CA10: variants seen among roughly 807,000 people sequenced by gnomAD.
CA10 encodes the protein carbonic anhydrase-related protein 10.
Under a neutral mutation model 44.2 loss-of-function variants are expected in CA10, and 14 were observed. The observed-to-expected ratio is 0.32, with a 90% CI of 0.21 to 0.50. The LOEUF is 0.50. Among genes scored for constraint, CA10 ranks in the 20% least tolerant of loss-of-function variants. The probability of loss-of-function intolerance (pLI) is 0.99; values close to 1 mark genes in which losing one functional copy is unlikely to be tolerated. For synonymous variants in CA10, 159 were observed against 141.6 expected (o/e 1.12, Z -0.87); for missense variants, 350 against 409.7 (o/e 0.85, Z 1.26).
chr17:52,093,841 A>T (rs747342452), intron 1 of CA10, among the ~76,000 whole-genome samples: 4 of 152,152 alleles, frequency 2.6e-5, no homozygotes, highest in Non-Finnish European at 5.9e-5. Flanking sequence ...CCAGAAATTT[A>T]TTAGGTAGTT....
rs536585925 is a variant in CA10, at chr17:51,806,094, G to A, written c.280-58276C>T. Among the ~76,000 whole-genome samples, 7 of 152,322 alleles carry A rather than the reference G, an allele frequency of 4.6e-5. No homozygotes were observed. In the South Asian group the frequency reaches 1.0e-3, roughly 23 times the overall value. On this transcript the variant is annotated intron_variant, in intron 3 of 8. Transcript: ENST00000451037. Reference sequence around the variant, plus strand: ...CAAGAGTCAGGGTCCAGAACCTTCAGAGCTTTGTGGTATGGTGAGGAGCTT... The same window carrying A: ...CAAGAGTCAGGGTCCAGAACCTTCAAAGCTTTGTGGTATGGTGAGGAGCTT...
At chr17:51,976,487 A>G (rs1313525249) in intron 2 of CA10, among the ~76,000 whole-genome samples, 3 of 152,166 alleles carry the variant, frequency 2.0e-5, no homozygotes. Context: ...TAAACAACAC[A>G]GTTCTAAAAT....
chr17:51,786,305 A>G (rs1906280777), intron 3 of CA10, among the ~76,000 whole-genome samples: 1 of 151,906 alleles, frequency 6.6e-6, no homozygotes, highest in Non-Finnish European at 1.5e-5. Context: ...TAATCCCAGC[A>G]CTTTGGGAGG....
intron 4 of CA10, among the ~76,000 whole-genome samples, chr17:51,680,905 G>T (rs1393341649): frequency 6.7e-6 from 1 of 149,388 alleles, no homozygotes; most frequent in Non-Finnish European, 1.5e-5. Flanking sequence ...GAGACCAAAA[G>T]ACTTCCATTT....
At chr17:52,014,132 C>T (rs1356893137) in intron 2 of CA10, among the ~76,000 whole-genome samples, 2 of 150,802 alleles carry the variant, frequency 1.3e-5, no homozygotes, top group Non-Finnish European at 3.0e-5. Flanking sequence ...TAAAAATAAC[C>T]TTATAATGAA....
intron 2 of CA10, among the ~76,000 whole-genome samples, chr17:52,011,406 A>T (rs1214351597): frequency 2.0e-5 from 3 of 152,014 alleles, no homozygotes; most frequent in Admixed American, 2.0e-4. Context: ...AGGGCAATTT[A>T]AAAAATTACA....
At chr17:51,955,324 C>T (rs1211539526) in intron 2 of CA10, among the ~76,000 whole-genome samples, 1 of 152,082 alleles carries the variant, frequency 6.6e-6, no homozygotes, top group Admixed American at 6.6e-5. Context: ...TGGACTTTGT[C>T]ACCACCCATA....
intron 3 of CA10, among the ~76,000 whole-genome samples, chr17:51,920,134 G>A (rs1481824580): frequency 6.6e-6 from 1 of 152,110 alleles, no homozygotes; most frequent in Admixed American, 6.5e-5. Context: ...ATTATACTCA[G>A]TTCTGGGATA....
intron 4 of CA10, among the ~76,000 whole-genome samples, chr17:51,694,610 TTACTC>T (rs1915338863): frequency 1.3e-5 from 2 of 152,152 alleles, no homozygotes; most frequent in Admixed American, 6.5e-5. Flanking sequence ...GGTGGTCTGT[TTACTC>T]TGTTGATAGC....
intron 1 of CA10, among the ~76,000 whole-genome samples, chr17:52,128,028 CA>C (rs1416235411): frequency 6.6e-6 from 1 of 152,182 alleles, no homozygotes; most frequent in African/African-American, 2.4e-5. Context: ...AATGAGTACA[CA>C]AAGAGGTATG....
At chr17:51,695,783 A>T (rs1178567638) in intron 4 of CA10, among the ~76,000 whole-genome samples, 1 of 152,172 alleles carries the variant, frequency 6.6e-6, no homozygotes, top group Non-Finnish European at 1.5e-5. Context: ...CCTATTCAGT[A>T]TAATGTTGGC....
At chr17:51,982,432 A>G (rs1984683264) in intron 2 of CA10, among the ~76,000 whole-genome samples, 1 of 151,946 alleles carries the variant, frequency 6.6e-6, no homozygotes, top group East Asian at 1.9e-4. Flanking sequence ...TTTTGTGTCT[A>G]TGAGTTAAAG....
intron 3 of CA10, among the ~76,000 whole-genome samples, chr17:51,814,896 C>T (rs1279745689): frequency 1.3e-5 from 2 of 152,186 alleles, no homozygotes; most frequent in Non-Finnish European, 2.9e-5. Flanking sequence ...AATTTCACAT[C>T]ACTGTGTAGC....
At chr17:51,653,503 A>G (rs1913655012) in intron 5 of CA10, 138 bp downstream of exon 5, 1 of 622,104 alleles carries the variant, frequency 1.6e-6, no homozygotes, top group African/African-American at 1.8e-5. Context: ...TCTCATGTAT[A>G]TAAAAGGCAC....
rs183237978 is a variant in CA10 at position 51,850,064 on chromosome 17, T to C, written c.279+80926A>G. On this transcript the variant is annotated intron_variant, in intron 3 of 8. Transcript: ENST00000451037. ...GAAGTCCTGAATGCTATGGCAGAGA[T>C]GCAAATTGGGGCTGTGTCATGAAAA... Among the ~76,000 whole-genome samples, 342 of 152,268 alleles carry C rather than the reference T, an allele frequency of 2.2e-3. 2 individuals are homozygous for C. The highest frequency in any genetic ancestry group is 7.8e-3 in the African/African-American group (325 of 41,552).
intron 2 of CA10, among the ~76,000 whole-genome samples, chr17:52,015,176 A>G (rs1985928868): frequency 6.6e-6 from 1 of 152,080 alleles, no homozygotes; most frequent in Non-Finnish European, 1.5e-5. Context: ...AACTGGAATG[A>G]AGAAGTATAT....
chr17:51,709,484 C>G (rs1248804126), intron 4 of CA10, among the ~76,000 whole-genome samples: 1 of 152,136 alleles, frequency 6.6e-6, no homozygotes, highest in African/African-American at 2.4e-5. Context: ...AAAGTGATGA[C>G]TCACAACCTT....
chr17:52,043,410 T>A (rs1315609691), intron 2 of CA10, among the ~76,000 whole-genome samples: 1 of 152,110 alleles, frequency 6.6e-6, no homozygotes, highest in South Asian at 2.1e-4. Context: ...TTTTTGCACA[T>A]TGATTTTATA....
intron 2 of CA10, among the ~76,000 whole-genome samples, chr17:52,057,712 A>G (rs1987269158): frequency 6.6e-6 from 1 of 152,120 alleles, no homozygotes. Context: ...AGGTTTTTCG[A>G]AGTGGAGTAT....
Sources: allele counts gnomAD v4.1 joint callset (sites outside exome capture counted in the v4.1 genomes callset), GRCh38; gene constraint gnomAD v4.1.1; transcripts MANE v1.5; gene names NCBI Gene and HGNC (gene_info 2026-07-23, HGNC 2026-07-21).